The following OTUD7B variants were observed in gnomAD, a reference collection of about 807,000 sequenced individuals.
OTUD7B encodes the protein OTU domain-containing protein 7B.
Under a neutral mutation model 82.2 loss-of-function variants are expected in OTUD7B, and 34 were observed. The ratio of observed to expected loss-of-function variants is 0.41; its 90% CI spans 0.31 to 0.55. The LOEUF (loss-of-function observed/expected upper bound fraction) is 0.55. Among genes scored for constraint, OTUD7B ranks in the 20% least tolerant of loss-of-function variants. The pLI, the probability that OTUD7B is intolerant of heterozygous loss-of-function variation, is 0.20. For missense variants in OTUD7B, 944 were observed against 1,062.1 expected (o/e 0.89, Z 1.55); for synonymous variants, 398 against 402.7 (o/e 0.99, Z 0.14).
the OTUD7B span, among the ~76,000 whole-genome samples, chr1:150,019,663 A>C: frequency 2.0e-5 from 3 of 152,030 alleles, no homozygotes; most frequent in African/African-American, 7.2e-5. Flanking sequence ...CCCTGGCCCA[A>C]TTTTCCTTAA....
chr1:150,018,343 G>A, the OTUD7B span, among the ~76,000 whole-genome samples: 2 of 152,158 alleles, frequency 1.3e-5, no homozygotes, highest in Non-Finnish European at 2.9e-5. Flanking sequence ...GGCAGAAAGA[G>A]GTCCCAAGTG....
intron 1 of OTUD7B, among the ~76,000 whole-genome samples, chr1:149,992,941 A>C (rs1434353957): frequency 6.6e-6 from 1 of 151,836 alleles, no homozygotes; most frequent in East Asian, 2.0e-4. Flanking sequence ...ACCTGAGGTC[A>C]GGGGTTCAAG....
intron 1 of OTUD7B, among the ~76,000 whole-genome samples, chr1:149,990,990 G>GT (rs1281429060): frequency 1.7e-4 from 1 of 5,946 alleles, no homozygotes; most frequent in Non-Finnish European, 3.3e-4. Context: ...AAACTCCGTC[G>GT]CAAAAAAAAA....
At chr1:150,020,766 T>C in the OTUD7B span, among the ~76,000 whole-genome samples, 1 of 152,264 alleles carries the variant, frequency 6.6e-6, no homozygotes, top group Admixed American at 6.5e-5. Context: ...CTGATTTATC[T>C]TGAAAATTTT....
At chr1:149,950,403 C>T (rs1648097951) in intron 7 of OTUD7B, among the ~76,000 whole-genome samples, 182 bp from the exon 8 acceptor site, 1 of 131,236 alleles carries the variant, frequency 7.6e-6, no homozygotes. Flanking sequence ...GTTTCTACCT[C>T]CGTTTTCACA....
chr1:150,062,708 C>CTTTTTTTTTTTTTTTTTTTTTTTTT, the OTUD7B span, among the ~76,000 whole-genome samples: 1 of 96,056 alleles, frequency 1.0e-5, no homozygotes, highest in Non-Finnish European at 1.9e-5. Flanking sequence ...CTTCTTCTTT[C>CTTTTTTTTTTTTTTTTTTTTTTTTT]TTTTTTTTTT....
chr1:149,985,569 C>G (rs772151858), intron 1 of OTUD7B, among the ~76,000 whole-genome samples: 1 of 152,020 alleles, frequency 6.6e-6, no homozygotes, highest in Non-Finnish European at 1.5e-5. Flanking sequence ...AAGAACCCAT[C>G]TCTACAAAAA....
At chr1:149,948,215 G>A (rs1229938769) in intron 10 of OTUD7B, among the ~76,000 whole-genome samples, 5 of 151,246 alleles carry the variant, frequency 3.3e-5, no homozygotes, top group Admixed American at 6.6e-5. Context: ...CCGACCTCAG[G>A]TGATCTGCCT....
the OTUD7B span, among the ~76,000 whole-genome samples, chr1:150,023,865 T>C: frequency 7.9e-5 from 12 of 152,336 alleles, no homozygotes; most frequent in African/African-American, 2.6e-4. Context: ...CATGTATACA[T>C]ATATAAAAAC....
At chr1:150,021,997 C>T in the OTUD7B span, among the ~76,000 whole-genome samples, 1 of 152,134 alleles carries the variant, frequency 6.6e-6, no homozygotes, top group African/African-American at 2.4e-5. Flanking sequence ...TTCTCTCTCT[C>T]CTTAATCATT....
chr1:149,964,005 AC>A (rs781799993), intron 6 of OTUD7B: 1 of 473,136 alleles, frequency 2.1e-6, no homozygotes, highest in Non-Finnish European at 3.8e-6. Flanking sequence ...ATGTTAGATA[AC>A]CTCTCTGTAG....
intron 7 of OTUD7B, among the ~76,000 whole-genome samples, chr1:149,950,809 T>TTC (rs1250732626): frequency 1.5e-4 from 22 of 146,662 alleles, no homozygotes; most frequent in African/African-American, 5.5e-4. Context: ...CTTTTTTTTT[T>TTC]TTGAGATAGA....
chr1:149,992,889 G>A (rs1016532935), intron 1 of OTUD7B, among the ~76,000 whole-genome samples: 1 of 152,072 alleles, frequency 6.6e-6, no homozygotes, highest in African/African-American at 2.4e-5. Context: ...GGTGGCTCAC[G>A]CCTGTAATCC....
At chr1:150,065,841 T>C in the OTUD7B span, among the ~76,000 whole-genome samples, 1 of 127,774 alleles carries the variant, frequency 7.8e-6, no homozygotes, top group East Asian at 1.9e-4. Flanking sequence ...AATTATTTTG[T>C]TCAAAATGTT....
chr1:149,991,904 A>C (rs1166235401), intron 1 of OTUD7B, among the ~76,000 whole-genome samples: 1 of 152,196 alleles, frequency 6.6e-6, no homozygotes, highest in Non-Finnish European at 1.5e-5. Context: ...TCACTTAAGC[A>C]AGCCATATTT....
intron 7 of OTUD7B, among the ~76,000 whole-genome samples, chr1:149,957,801 G>A (rs1648800323): frequency 6.6e-6 from 1 of 152,194 alleles, no homozygotes. Flanking sequence ...TGCTAGCAGT[G>A]AGCAAGCCTC....
the OTUD7B span, among the ~76,000 whole-genome samples, chr1:150,061,300 G>A: frequency 6.6e-6 from 1 of 152,162 alleles, no homozygotes; most frequent in Non-Finnish European, 1.5e-5. Context: ...ACTCTACAAG[G>A]ACTATGTATG....
rs1304781157 is a variant in OTUD7B at position 149,948,366 on chromosome 1, TTC to T, written c.1238+601_1238+602del. Among the ~76,000 whole-genome samples the T allele has an allele frequency of 9.4e-5, 3 of 31,958 alleles. No individual in the cohort carries two copies. In the East Asian group the frequency reaches 2.5e-3, roughly 27 times the overall value. 21.0% of individuals were successfully genotyped at this position (31,958 alleles called of 152,430 possible). Reference sequence around the variant, plus strand: ...GACATGTGATTTGATTATCCTGATTTTCTTTCTTTCTTTTTTTTTTTTTGAGA... The same window carrying T: ...GACATGTGATTTGATTATCCTGATTTTTTCTTTCTTTTTTTTTTTTTGAGA... On this transcript the variant is annotated intron_variant, in intron 10 of 11. Transcript: ENST00000581312.
rs148400992 is a variant in OTUD7B, at chr1:149,939,797, C to T, written c.*4060G>A. ...TACAAAAATTAGCCGGGCATGATTGCGGGTGCCTGTAATCCCAGCCACCTG... is the reference window on the plus strand; with the variant it reads ...TACAAAAATTAGCCGGGCATGATTGTGGGTGCCTGTAATCCCAGCCACCTG... On this transcript the variant is annotated 3_prime_UTR_variant, in exon 12 of 12. Transcript: ENST00000581312. The T allele has an allele frequency of 0.014, 2,191 of 152,222 alleles. 22 individuals carry two copies. Among genetic ancestry groups the T allele is most frequent in the Non-Finnish European group, 0.023 (1,555 of 68,024 alleles). 9.4% of individuals were successfully genotyped at this position (152,222 alleles called of 1,614,324 possible). A position where few individuals can be genotyped will look rare whatever the true frequency, so the allele number is the denominator to read the frequency against.
Sources: gnomAD v4.1 joint callset for allele counts (sites outside exome capture counted in the v4.1 genomes callset) on GRCh38, gnomAD v4.1.1 for gene constraint, MANE v1.5 for transcripts, NCBI Gene and HGNC (gene_info 2026-07-23, HGNC 2026-07-21) for gene names.